The following MDGA2 variants were observed in gnomAD, a reference collection of about 807,000 sequenced individuals.
MDGA2 encodes the protein MAM domain containing glycosylphosphatidylinositol anchor 2, also known as MAM domain-containing glycosylphosphatidylinositol anchor protein 2.
MDGA2 carries 40 observed loss-of-function variants against 117.8 expected under a neutral mutation model. The observed-to-expected ratio is 0.34, with a 90% confidence interval of 0.26 to 0.44. The LOEUF (loss-of-function observed/expected upper bound fraction) is 0.44, where lower values mean the gene tolerates loss of function less well. Ranked by LOEUF, MDGA2 falls within the 20% of genes least tolerant of loss-of-function variation. MDGA2 has a pLI of 1.00. For synonymous variants in MDGA2, 452 were observed against 439.0 expected (o/e 1.03, Z -0.37); for missense variants, 1,123 against 1,250.6 (o/e 0.90, Z 1.54).
chr14:47,430,497 A>T (rs192748074), intron 1 of MDGA2, among the ~76,000 whole-genome samples: 39 of 152,128 alleles, frequency 2.6e-4, no homozygotes, highest in African/African-American at 8.7e-4. Flanking sequence ...AATTAATTTG[A>T]GTGGGAAGAC....
At chr14:47,186,108 A>G (rs1470108825) in intron 3 of MDGA2, among the ~76,000 whole-genome samples, 1 of 151,664 alleles carries the variant, frequency 6.6e-6, no homozygotes, top group African/African-American at 2.4e-5. Flanking sequence ...GCCAAATTAA[A>G]CAAAATAAAT....
intron 1 of MDGA2, among the ~76,000 whole-genome samples, chr14:47,423,864 T>A (rs1378125114): frequency 1.3e-5 from 2 of 152,166 alleles, no homozygotes; most frequent in South Asian, 2.1e-4. Flanking sequence ...CAGGCTGAAG[T>A]GCAGTGGCAT....
At chr14:47,214,303 A>G (rs1427943980) in intron 3 of MDGA2, among the ~76,000 whole-genome samples, 2 of 152,278 alleles carry the variant, frequency 1.3e-5, no homozygotes, top group East Asian at 3.9e-4. Flanking sequence ...TAACCAAATC[A>G]GATTCGGGAA....
intron 3 of MDGA2, among the ~76,000 whole-genome samples, chr14:47,157,818 C>T (rs968852068): frequency 3.3e-5 from 5 of 152,046 alleles, no homozygotes; most frequent in Admixed American, 6.5e-5. Context: ...AAGGGCTCCC[C>T]CCCTCACTCA....
intron 2 of MDGA2, among the ~76,000 whole-genome samples, chr14:47,293,002 T>G (rs765055527): frequency 9.9e-5 from 15 of 152,170 alleles, no homozygotes; most frequent in Non-Finnish European, 1.9e-4. Context: ...ACTTCTGCCA[T>G]TTCTGAAAAT....
chr14:47,442,699 C>T (rs1566459073), intron 1 of MDGA2, among the ~76,000 whole-genome samples: 1 of 152,138 alleles, frequency 6.6e-6, no homozygotes, highest in Admixed American at 6.6e-5. Flanking sequence ...ATCCCCACAT[C>T]CATCACCTTC....
At chr14:47,317,582 T>C (rs1480536509) in intron 1 of MDGA2, among the ~76,000 whole-genome samples, 1 of 152,102 alleles carries the variant, frequency 6.6e-6, no homozygotes, top group African/African-American at 2.4e-5. Context: ...CCTGTAATGC[T>C]AGTCAACACT....
intron 1 of MDGA2, among the ~76,000 whole-genome samples, chr14:47,403,038 C>T (rs928870871): frequency 6.6e-6 from 1 of 152,082 alleles, no homozygotes; most frequent in African/African-American, 2.4e-5. Flanking sequence ...TAAGATCTTT[C>T]CCATGTTAAA....
chr14:46,936,130 G>T (rs999303251), intron 9 of MDGA2, among the ~76,000 whole-genome samples: 8 of 151,976 alleles, frequency 5.3e-5, no homozygotes, highest in African/African-American at 1.9e-4. Flanking sequence ...CAAAGACAAA[G>T]GTGCCTATGG....
intron 8 of MDGA2, chr14:46,960,592 G>T (rs1220250904): frequency 6.6e-6 from 1 of 151,822 alleles, no homozygotes; most frequent in Non-Finnish European, 1.5e-5. Context: ...AGTGATGTGG[G>T]GAAGTAAATA....
chr14:46,998,684 CAG>C (rs1246544990), intron 8 of MDGA2, among the ~76,000 whole-genome samples: 1 of 152,068 alleles, frequency 6.6e-6, no homozygotes, highest in Non-Finnish European at 1.5e-5. Context: ...TCAAACCTCT[CAG>C]AGAATTTTAA....
At position 47,112,371 on chromosome 14, in the gene MDGA2, T is replaced by A. The variant is rs949580771; in HGVS notation, c.926-15248A>T. Among the ~76,000 whole-genome samples the A allele has an allele frequency of 3.9e-5, 6 of 152,164 alleles. No homozygotes were observed. The East Asian group carries it at 1.2e-3, about 29-fold the overall frequency. On this transcript the variant is annotated intron_variant, in intron 5 of 16. Transcript: ENST00000399232. ...CCTAGGTATTAAGCCTGGCATTCAT[T>A]AGCTATTTATCGTGATGCTCTCCCT...
At chr14:47,342,339 ATG>A (rs1484537842) in intron 1 of MDGA2, among the ~76,000 whole-genome samples, 2 of 149,424 alleles carry the variant, frequency 1.3e-5, no homozygotes, top group African/African-American at 2.4e-5. Flanking sequence ...ATATATAAAT[ATG>A]TGTGTATATA....
At chr14:47,147,763 C>A (rs1325445254) in intron 3 of MDGA2, among the ~76,000 whole-genome samples, 1 of 152,144 alleles carries the variant, frequency 6.6e-6, no homozygotes, top group African/African-American at 2.4e-5. Flanking sequence ...TTCCAAGACT[C>A]TGGTTAGTCT....
chr14:47,168,940 T>C (rs1352059572), intron 3 of MDGA2, among the ~76,000 whole-genome samples: 2 of 152,066 alleles, frequency 1.3e-5, no homozygotes, highest in Admixed American at 1.3e-4. Context: ...TGGGTATAAG[T>C]AAAATAACAT....
intron 3 of MDGA2, among the ~76,000 whole-genome samples, chr14:47,177,022 A>G (rs1884487810): frequency 2.0e-5 from 3 of 151,824 alleles, no homozygotes; most frequent in Admixed American, 2.0e-4. Flanking sequence ...AAAAGAAGAC[A>G]TTTATGCAGC....
chr14:47,368,806 T>C (rs1245929975), intron 1 of MDGA2, among the ~76,000 whole-genome samples: 3 of 152,140 alleles, frequency 2.0e-5, no homozygotes, highest in African/African-American at 7.2e-5. Flanking sequence ...AATAATAACA[T>C]ATGCTTGGAG....
At chr14:47,072,043 T>G (rs895046769) in intron 6 of MDGA2, among the ~76,000 whole-genome samples, 2 of 132,828 alleles carry the variant, frequency 1.5e-5, no homozygotes, top group African/African-American at 5.7e-5. Flanking sequence ...TAAACAAGAG[T>G]GAATACAAGT....
intron 15 of MDGA2, 67 bp downstream of exon 15, chr14:46,854,957 G>A (rs1189359147): frequency 2.3e-6 from 3 of 1,294,200 alleles, no homozygotes; most frequent in Non-Finnish European, 3.1e-6. Flanking sequence ...TTTAATATTT[G>A]CTCAAGATCC....
Sources: allele counts gnomAD v4.1 joint callset (sites outside exome capture counted in the v4.1 genomes callset), GRCh38; gene constraint gnomAD v4.1.1; transcripts MANE v1.5; gene names NCBI Gene and HGNC (gene_info 2026-07-23, HGNC 2026-07-21).